HDHD5: variants seen among roughly 807,000 people sequenced by gnomAD.
HDHD5 encodes haloacid dehalogenase-like hydrolase domain-containing 5.
A neutral mutation model predicts 35.5 loss-of-function variants in HDHD5; 34 were observed. That is an observed-to-expected ratio of 0.96 (90% CI 0.73 to 1.28). The LOEUF (loss-of-function observed/expected upper bound fraction) is 1.28. Among genes scored for constraint, HDHD5 ranks in the 50% most tolerant of loss-of-function variants. HDHD5 has a pLI of 0.00. For synonymous variants in HDHD5, 248 were observed against 240.6 expected (o/e 1.03, Z -0.29); for missense variants, 589 against 560.2 (o/e 1.05, Z -0.52).
chr22:17,140,998 C>G (rs2061593629), intron 6 of HDHD5, 61 bp downstream of exon 6: 1 of 1,442,126 alleles, frequency 6.9e-7, no homozygotes, highest in Admixed American at 2.6e-5. Flanking sequence ...GCCTGCAGGA[C>G]TGCCCAGGCA....
chr22:17,138,863 T>C (rs1006193739), intron 6 of HDHD5, 125 bp from the exon 7 acceptor site: 8 of 987,720 alleles, frequency 8.1e-6, no homozygotes, highest in South Asian at 1.5e-5. Flanking sequence ...AGAGCTGACA[T>C]GTAGCAGACA....
intron 1 of HDHD5, among the ~76,000 whole-genome samples, chr22:17,151,810 G>A (rs1314422735): frequency 1.3e-5 from 2 of 151,552 alleles, no homozygotes; most frequent in Non-Finnish European, 2.9e-5. Context: ...CTACTTTTTA[G>A]CTAAGGTGAC....
At chr22:17,143,225 A>C (rs1268408583) in intron 4 of HDHD5, 94 bp from the exon 5 acceptor site, 1 of 1,372,786 alleles carries the variant, frequency 7.3e-7, no homozygotes, top group Non-Finnish European at 1.0e-6. Flanking sequence ...AGGGGAGGGG[A>C]GACACACTCC....
At chr22:17,159,295 C>CCA (rs1555882059), upstream of HDHD5, 2 of 1,236,798 alleles carry the variant, frequency 1.6e-6, no homozygotes, top group Non-Finnish European at 2.0e-6. Context: ...GGCCCCCCCC[C>CCA]CCCGCGAGTC....
upstream of HDHD5, among the ~76,000 whole-genome samples, chr22:17,162,788 G>A (rs1408311408): frequency 6.6e-6 from 1 of 152,208 alleles, no homozygotes; most frequent in Non-Finnish European, 1.5e-5. Context: ...GGGCACTCAC[G>A]TCTACCCTGT....
At position 17,145,062 on chromosome 22, in the gene HDHD5, G is replaced by T; in HGVS notation, c.499C>A (p.Leu167Ile). 2 of 1,614,010 alleles carry T rather than the reference G, an allele frequency of 1.2e-6. No homozygotes were observed. Residue 167 changes from leucine (L) to isoleucine (I), a missense_variant, in exon 4 of 8, where the codon CTT becomes ATT. Transcript: ENST00000336737. Reference protein sequence around the residue: ...VDELRMAFPLLDMVDLERRLK... With the variant: ...VDELRMAFPLIDMVDLERRLK... The stretch of plus-strand genomic sequence containing the variant: ...CGCCGCTCCAGGTCCACCATGTCAA[G>T]CAGAGGAAAGGCCATCCGCAGCTCA...
At position 17,138,251 on chromosome 22, in the gene HDHD5, G is replaced by A. The variant is rs557031377; in HGVS notation, c.1042C>T (p.Gln348Ter). ...CAGCTCTGGCTTGCTGAGGGCTGTTGCTGCCGTGTGCCCCCGGCCCCTAGT... is the reference window on the plus strand; with the variant it reads ...CAGCTCTGGCTTGCTGAGGGCTGTTACTGCCGTGTGCCCCCGGCCCCTAGT... ...PELGAGGTRQ[Q>*]QPSASQSCIS... The change falls in exon 8 of 8, where the codon CAA becomes TAA. Residue 348 changes from glutamine (Q) to a stop codon, truncating the protein, a stop_gained. Coordinates refer to ENST00000336737, the MANE Select transcript of HDHD5 (RefSeq NM_033070.3). LOFTEE classifies it low-confidence loss of function (END_TRUNC). 6.2e-7 allele frequency: 1 copy of A among 1,614,196 alleles called. No homozygotes were observed. The highest frequency in any genetic ancestry group is 1.3e-5 in the African/African-American group (1 of 75,044).
chr22:17,137,892 C>T lies in HDHD5; in HGVS notation c.*129G>A, dbSNP rs1254819063. The T allele has an allele frequency of 8.7e-6, 6 of 690,366 alleles. No homozygotes were observed. The highest frequency in any genetic ancestry group is 1.5e-5 in the Non-Finnish European group (6 of 412,464). 42.8% of individuals were successfully genotyped at this position (690,366 alleles called of 1,614,324 possible). ...CTTCCAAGTGACCAGTAATGCCACA[C>T]TCATGGGGCAGCAAGAAGGGTGGCA... On this transcript the variant is annotated 3_prime_UTR_variant, in exon 8 of 8. Transcript: ENST00000336737.
upstream of HDHD5, among the ~76,000 whole-genome samples, chr22:17,161,872 CAA>C (rs34979091): frequency 9.3e-5 from 8 of 85,570 alleles, no homozygotes; most frequent in Non-Finnish European, 1.4e-4. Flanking sequence ...GACTCTGTCT[CAA>C]AAAAAAAAAA....
chr22:17,157,305 T>A (rs1009579967), intron 1 of HDHD5, among the ~76,000 whole-genome samples: 2 of 148,322 alleles, frequency 1.3e-5, no homozygotes, highest in Non-Finnish European at 3.0e-5. Flanking sequence ...TCAGGATCTG[T>A]TGCCCGGGCT....
chr22:17,146,613 A>T (rs1337934192), intron 3 of HDHD5, among the ~76,000 whole-genome samples: 4 of 22,514 alleles, frequency 1.8e-4, no homozygotes, highest in South Asian at 2.6e-3. Flanking sequence ...CACCTGTGGC[A>T]CACTCCTGTG....
chr22:17,144,517 T>G (rs185094976), intron 4 of HDHD5, among the ~76,000 whole-genome samples: 167 of 151,604 alleles, frequency 1.1e-3, no homozygotes, highest in African/African-American at 3.7e-3. Context: ...AGGTTCAAGT[T>G]ATTCTCCTGC....
intron 3 of HDHD5, among the ~76,000 whole-genome samples, chr22:17,148,124 G>T (rs1217280739): frequency 6.6e-6 from 1 of 152,208 alleles, no homozygotes; most frequent in Non-Finnish European, 1.5e-5. Context: ...GAACCACTAA[G>T]AGAGGTGTTT....
At chr22:17,143,353 A>AGG in intron 4 of HDHD5, 1 of 479,140 alleles carries the variant, frequency 2.1e-6, no homozygotes, top group South Asian at 3.4e-5. Context: ...GCAGGACACC[A>AGG]TGGGTGAAGT....
At chr22:17,150,544 A>G (rs2061714782) in intron 1 of HDHD5, among the ~76,000 whole-genome samples, 1 of 147,378 alleles carries the variant, frequency 6.8e-6, no homozygotes, top group African/African-American at 2.5e-5. Flanking sequence ...TTTGAGACAG[A>G]GTCTTGCTCT....
Position 17,145,091 on chromosome 22 carries a change from ACGGTGACGACATTT to A in HDHD5, c.456_469del (p.Asn153GlyfsTer2). 7 of 1,614,036 alleles carry A rather than the reference ACGGTGACGACATTT, an allele frequency of 4.3e-6. No homozygotes were observed. Among genetic ancestry groups the A allele is most frequent in the Non-Finnish European group, 5.9e-6 (7 of 1,180,024 alleles). ...AGGAAAGGCCATCCGCAGCTCATCC[ACGGTGACGACATTT>A]CGGAAGCCCAGTCTGGAGCAAGCTC... On this transcript the variant is annotated frameshift_variant, in exon 4 of 8. Coordinates refer to ENST00000336737, the MANE Select transcript of HDHD5 (RefSeq NM_033070.3). LOFTEE classifies it high-confidence loss of function.
intron 1 of HDHD5, among the ~76,000 whole-genome samples, chr22:17,164,402 G>C (rs1286922356): frequency 2.6e-5 from 4 of 152,162 alleles, no homozygotes; most frequent in Non-Finnish European, 4.4e-5. Flanking sequence ...AAAGAGCAGT[G>C]GCTTAGATAA....
Position 17,151,679 on chromosome 22 carries a change from G to A in HDHD5, c.127-1934C>T, listed in dbSNP as rs375695774. On this transcript the variant is annotated intron_variant, in intron 1 of 7. Coordinates refer to ENST00000336737, the MANE Select transcript of HDHD5 (RefSeq NM_033070.3). ...TGGGAGGCAGAGGATGCAGTGAGCC[G>A]GGATCGTGCCACTGCACTTAAGCCT... Among the ~76,000 whole-genome samples the A allele has an allele frequency of 2.7e-4, 40 of 149,226 alleles. No homozygotes were observed. The East Asian group carries it at 5.1e-3, about 19-fold the overall frequency.
chr22:17,139,471 C>T (rs765208569), intron 6 of HDHD5, among the ~76,000 whole-genome samples: 3 of 151,026 alleles, frequency 2.0e-5, no homozygotes, highest in Non-Finnish European at 2.9e-5. Context: ...GAGGTTGCAG[C>T]GGGCCAAGAT....
Sources: gnomAD v4.1 joint callset for allele counts (sites outside exome capture counted in the v4.1 genomes callset) on GRCh38, gnomAD v4.1.1 for gene constraint, MANE v1.5 for transcripts, NCBI Gene and HGNC (gene_info 2026-07-23, HGNC 2026-07-21) for gene names.